IKBKB-DT: variants seen among roughly 807,000 people sequenced by gnomAD.
The protein encoded by IKBKB-DT is IKBKB divergent transcript.
At chr8:42,236,007 A>G (rs1452575077) in intron 3 of IKBKB-DT, among the ~76,000 whole-genome samples, 1 of 152,138 alleles carries the variant, frequency 6.6e-6, no homozygotes, top group Non-Finnish European at 1.5e-5. Flanking sequence ...CAGCCTGGTG[A>G]CAGAGTGAGA....
At chr8:42,269,817 C>G (rs1807507856) in intron 1 of IKBKB-DT, among the ~76,000 whole-genome samples, 1 of 152,082 alleles carries the variant, frequency 6.6e-6, no homozygotes, top group Non-Finnish European at 1.5e-5. Context: ...TCATTTGTCC[C>G]TCACAACAAC....
At chr8:42,238,631 C>G (rs949286460) in intron 3 of IKBKB-DT, among the ~76,000 whole-genome samples, 6 of 152,174 alleles carry the variant, frequency 3.9e-5, no homozygotes, top group African/African-American at 1.4e-4. Flanking sequence ...TTTGTGACTT[C>G]CCCAATCACT....
At chr8:42,263,628 C>T (rs938986452) in intron 2 of IKBKB-DT, among the ~76,000 whole-genome samples, 4 of 152,136 alleles carry the variant, frequency 2.6e-5, no homozygotes, top group Non-Finnish European at 5.9e-5. Flanking sequence ...TGAAACAAAA[C>T]AAGAACGGTG....
intron 3 of IKBKB-DT, among the ~76,000 whole-genome samples, chr8:42,234,265 C>T (rs1310648978): frequency 6.6e-6 from 1 of 152,196 alleles, no homozygotes; most frequent in Non-Finnish European, 1.5e-5. Context: ...ATGACCATCA[C>T]CTGATGTTCG....
At chr8:42,256,496 C>T (rs773640878) in intron 3 of IKBKB-DT, among the ~76,000 whole-genome samples, 25 of 151,934 alleles carry the variant, frequency 1.6e-4, no homozygotes, top group Non-Finnish European at 3.5e-4. Context: ...CACTTGAACC[C>T]GAGAGGCAGA....
intron 3 of IKBKB-DT, among the ~76,000 whole-genome samples, chr8:42,252,510 T>C (rs929522156): frequency 1.3e-5 from 2 of 152,300 alleles, no homozygotes; most frequent in African/African-American, 4.8e-5. Flanking sequence ...GGACTACCGG[T>C]GCGTGCCACC....
chr8:42,255,266 C>T (rs528735965), intron 3 of IKBKB-DT: 63 of 152,260 alleles, frequency 4.1e-4, no homozygotes, highest in African/African-American at 1.4e-3. Context: ...TCCCCAAGTT[C>T]GCATTTTCGA....
chr8:42,235,954 G>C (rs1042941345), intron 3 of IKBKB-DT, among the ~76,000 whole-genome samples: 1 of 152,022 alleles, frequency 6.6e-6, no homozygotes, highest in Non-Finnish European at 1.5e-5. Context: ...GTGGGGGTTG[G>C]GGGGCGGAGG....
intron 3 of IKBKB-DT, among the ~76,000 whole-genome samples, chr8:42,239,067 T>A (rs1039687146): frequency 6.6e-6 from 1 of 152,142 alleles, no homozygotes; most frequent in African/African-American, 2.4e-5. Flanking sequence ...TGTACCCCCA[T>A]CTGGCTGTGA....
At chr8:42,264,500 G>T (rs910713679) in intron 2 of IKBKB-DT, among the ~76,000 whole-genome samples, 5 of 152,214 alleles carry the variant, frequency 3.3e-5, no homozygotes, top group African/African-American at 1.2e-4. Flanking sequence ...AAACAGCAGA[G>T]AGATGGTTTT....
chr8:42,239,137 C>T (rs1030893391), intron 3 of IKBKB-DT, among the ~76,000 whole-genome samples: 9 of 152,094 alleles, frequency 5.9e-5, no homozygotes, highest in Non-Finnish European at 8.8e-5. Flanking sequence ...AAAACACATG[C>T]TTTAAGTAAG....
chr8:42,267,393 G>A (rs1807390792), intron 1 of IKBKB-DT, among the ~76,000 whole-genome samples: 1 of 152,146 alleles, frequency 6.6e-6, no homozygotes, highest in African/African-American at 2.4e-5. Context: ...TCTGGATCGG[G>A]ACCCCTTTCC....
rs578059229 is a variant in IKBKB-DT at position 42,235,654 on chromosome 8, G to A, written n.1530-1795C>T. ...CAATCAGCATTCCCCCTACTTTACC[G>A]GCCTGCCCACGAAACTATCTTTGAA... On this transcript the variant is annotated intron_variant and non_coding_transcript_variant, in intron 3 of 3. Coordinates refer to ENST00000518213, the Ensembl canonical transcript of IKBKB-DT. 2.6e-4 allele frequency among the ~76,000 whole-genome samples: 39 copies of A among 152,192 alleles called. 1 individual carries two copies. The highest frequency in any genetic ancestry group is 2.1e-3 in the South Asian group (10 of 4,810).
At chr8:42,258,542 C>T (rs1292112513) in intron 3 of IKBKB-DT, among the ~76,000 whole-genome samples, 1 of 151,744 alleles carries the variant, frequency 6.6e-6, no homozygotes, top group South Asian at 2.1e-4. Context: ...GATCTCTGCT[C>T]ACTGCAACCT....
intron 3 of IKBKB-DT, among the ~76,000 whole-genome samples, chr8:42,261,519 T>C (rs1260545552): frequency 6.6e-6 from 1 of 152,192 alleles, no homozygotes; most frequent in Non-Finnish European, 1.5e-5. Flanking sequence ...CCATACACCC[T>C]GTAGTTCAAG....
chr8:42,236,559 G>A (rs1408345714), intron 3 of IKBKB-DT, among the ~76,000 whole-genome samples: 1 of 152,184 alleles, frequency 6.6e-6, no homozygotes, highest in East Asian at 1.9e-4. Flanking sequence ...TGAGGTTGGA[G>A]TTTGAGACCA....
rs1014236356 is a variant in IKBKB-DT, at chr8:42,243,865, A to C, written n.1530-10006T>G. 2.0e-5 allele frequency among the ~76,000 whole-genome samples: 3 copies of C among 152,370 alleles called. No homozygotes were observed. The East Asian group carries it at 5.8e-4, about 29-fold the overall frequency. On this transcript the variant is annotated intron_variant and non_coding_transcript_variant, in intron 3 of 3. Transcript: ENST00000518213. ...ACAATATTTGAGGTTTTGCAATTGC[A>C]CATGGTCTAGAATTTTGTTCATACT...
rs572026943 is a variant in IKBKB-DT at position 42,234,270 on chromosome 8, T to G, written n.1530-411A>C. ...AGGCAGTTTCATGACCATCACCTGA[T>G]GTTCGCCTGACTTTCCTGGTGAGGC... On this transcript the variant is annotated intron_variant and non_coding_transcript_variant, in intron 3 of 3. Transcript: ENST00000518213. Among the ~76,000 whole-genome samples the G allele has an allele frequency of 5.3e-5, 8 of 152,352 alleles. No homozygotes were observed. The South Asian group carries it at 1.7e-3, about 32-fold the overall frequency.
At chr8:42,251,413 A>G (rs1807127215) in intron 3 of IKBKB-DT, among the ~76,000 whole-genome samples, 1 of 152,176 alleles carries the variant, frequency 6.6e-6, no homozygotes, top group African/African-American at 2.4e-5. Context: ...AAGAACAAAG[A>G]AGTTGCTTAC....
Sources: gnomAD v4.1 joint callset for allele counts (sites outside exome capture counted in the v4.1 genomes callset) on GRCh38, gnomAD v4.1.1 for gene constraint, MANE v1.5 for transcripts, NCBI Gene and HGNC (gene_info 2026-07-23, HGNC 2026-07-21) for gene names.